The following ADAM12 variants were observed in gnomAD, a reference collection of about 807,000 sequenced individuals.
ADAM12 encodes ADAM metallopeptidase domain 12.
A neutral mutation model predicts 106.4 loss-of-function variants in ADAM12; 70 were observed. That is an observed-to-expected ratio of 0.66 (90% confidence interval 0.54 to 0.80). The LOEUF (loss-of-function observed/expected upper bound fraction) is 0.80. ADAM12 is among the 30% of genes least tolerant of loss of function. The pLI, the probability that ADAM12 is intolerant of heterozygous loss-of-function variation, is 0.00. For missense variants in ADAM12, 1,010 were observed against 1,171.9 expected (o/e 0.86, Z 2.02); for synonymous variants, 420 against 433.5 (o/e 0.97, Z 0.39).
At chr10:126,156,756 C>T (rs962918426) in intron 3 of ADAM12, among the ~76,000 whole-genome samples, 4 of 152,172 alleles carry the variant, frequency 2.6e-5, no homozygotes, top group African/African-American at 7.2e-5. Flanking sequence ...GAGCAGGAGT[C>T]GGCCAGGCCC....
rs1258540526 is a variant in ADAM12 at position 126,053,754 on chromosome 10, C to T, written c.1610-4085G>A. On this transcript the variant is annotated intron_variant, in intron 14 of 22. Coordinates refer to ENST00000448723, the MANE Select transcript of ADAM12 (RefSeq NM_001288973.2). This position sits in a 1 kb window ranked among gnomAD's most constrained non-coding sequence, Gnocchi z 4.6. ...GAGTTTCGCTCTTGTTGCCCAGGCT[C>T]GAGTGCAATGGTGTGATCTCGGCTC... 2.0e-5 allele frequency among the ~76,000 whole-genome samples: 3 copies of T among 152,012 alleles called. No individual in the cohort carries two copies. The highest frequency in any genetic ancestry group is 1.9e-4 in the East Asian group (1 of 5,168).
chr10:126,143,297 C>A (rs564541539), intron 4 of ADAM12, among the ~76,000 whole-genome samples: 1 of 97,490 alleles, frequency 1.0e-5, no homozygotes, highest in East Asian at 3.1e-4. Context: ...TGTGTGTGTG[C>A]ATGTGGGTGT....
chr10:126,208,792 T>G (rs1468318351), intron 3 of ADAM12, among the ~76,000 whole-genome samples: 1 of 151,990 alleles, frequency 6.6e-6, no homozygotes, highest in Non-Finnish European at 1.5e-5. Context: ...TAAGCACACT[T>G]CTTTAAATCA....
intron 4 of ADAM12, among the ~76,000 whole-genome samples, chr10:126,146,114 G>C (rs982666679): frequency 2.6e-5 from 4 of 152,234 alleles, no homozygotes; most frequent in Non-Finnish European, 5.9e-5. Context: ...TTCCAGCTGT[G>C]AGGAAGGGAG....
chr10:126,015,695 A>T lies in ADAM12; in HGVS notation c.*1584T>A, dbSNP rs1194017918. ...AGGCAAACCAAGATTCTTGGTACATATTTTTCTGTTTCAAAGCATAGGAAA... is the reference window on the plus strand; with the variant it reads ...AGGCAAACCAAGATTCTTGGTACATTTTTTTCTGTTTCAAAGCATAGGAAA... On this transcript the variant is annotated 3_prime_UTR_variant, in exon 23 of 23. Transcript: ENST00000448723. 1 of 152,142 alleles carries T rather than the reference A, an allele frequency of 6.6e-6. No homozygotes were observed. Among genetic ancestry groups the T allele is most frequent in the Non-Finnish European group, 1.5e-5 (1 of 68,026 alleles). 9.4% of individuals were successfully genotyped at this position (152,142 alleles called of 1,614,324 possible).
intron 3 of ADAM12, among the ~76,000 whole-genome samples, chr10:126,159,335 G>T (rs1956893764): frequency 8.2e-6 from 1 of 121,604 alleles, no homozygotes; most frequent in African/African-American, 3.0e-5. Context: ...AAAAAAAGGA[G>T]CACACTTGAC....
chr10:126,121,038 CAATAT>C (rs58751200), intron 5 of ADAM12, among the ~76,000 whole-genome samples: 65,964 of 104,330 alleles, frequency 0.63, 21,478 homozygotes, highest in African/African-American at 0.78. Context: ...ATTATATATG[CAATAT>C]AATATATTAT....
rs189891895 is a variant in ADAM12, at chr10:126,036,016, C to T, written c.2529+130G>A. The T allele has an allele frequency of 1.8e-5, 14 of 777,626 alleles. No individual in the cohort carries two copies. The East Asian group carries it at 3.7e-4, about 21-fold the overall frequency. The allele number at this position is 777,626 out of a possible 1,614,324, so 48.2% of individuals were successfully genotyped here. A position where few individuals can be genotyped will look rare whatever the true frequency, so the allele number is the denominator to read the frequency against. Reference sequence around the variant, plus strand: ...TATGTGGATTATCTCATTTAACCATCTGAGTAGCTGAATTATCTCCATTTT... The same window carrying T: ...TATGTGGATTATCTCATTTAACCATTTGAGTAGCTGAATTATCTCCATTTT... On this transcript the variant is annotated intron_variant, in intron 21 of 22. Transcript: ENST00000448723.
At chr10:126,362,691 C>T (rs1237863292) in intron 1 of ADAM12, among the ~76,000 whole-genome samples, 9 of 152,086 alleles carry the variant, frequency 5.9e-5, no homozygotes, top group South Asian at 2.1e-4. Context: ...CAGGCACAGA[C>T]AGACAAATAC....
At chr10:126,229,630 C>A (rs369335733) in intron 3 of ADAM12, among the ~76,000 whole-genome samples, 1 of 129,752 alleles carries the variant, frequency 7.7e-6, no homozygotes, top group Admixed American at 7.8e-5. Flanking sequence ...CCCTCTCCCC[C>A]TCTCTTCCTC....
Position 126,359,697 on chromosome 10 carries a change from T to C in ADAM12, c.88+28361A>G, listed in dbSNP as rs183799796. On this transcript the variant is annotated intron_variant, in intron 1 of 22. Coordinates refer to ENST00000448723, the MANE Select transcript of ADAM12 (RefSeq NM_001288973.2). The stretch of plus-strand genomic sequence containing the variant: ...TCCTGGCTACTTTCACGGGCTGGTG[T>C]TGAGTGTCTGCAGCTTTTTCAGGCA... 1.8e-3 allele frequency among the ~76,000 whole-genome samples: 277 copies of C among 152,278 alleles called. 1 individual carries two copies. The highest frequency in any genetic ancestry group is 3.4e-3 in the Non-Finnish European group (234 of 68,016).
rs760444897 is a variant in ADAM12, at chr10:126,036,359, G to A, written c.2350-34C>T. The A allele has an allele frequency of 3.0e-5, 47 of 1,551,586 alleles. No individual in the cohort carries two copies. The Middle Eastern group carries it at 5.1e-4, about 17-fold the overall frequency. The stretch of plus-strand genomic sequence containing the variant: ...TCAAAGTAAAAAGCCATGCTATAGC[G>A]GGTTTCAAAAATATCAGTAACTCCT... On this transcript the variant is annotated intron_variant, in intron 20 of 22. Coordinates refer to ENST00000448723, the MANE Select transcript of ADAM12 (RefSeq NM_001288973.2).
At chr10:126,029,729 GA>G (rs1457210157) in intron 21 of ADAM12, among the ~76,000 whole-genome samples, 1 of 152,180 alleles carries the variant, frequency 6.6e-6, no homozygotes, top group Non-Finnish European at 1.5e-5. Flanking sequence ...TGGCAAAGAT[GA>G]AAAGGCAGTT....
intron 3 of ADAM12, among the ~76,000 whole-genome samples, chr10:126,208,026 G>T (rs1957829732): frequency 1.3e-5 from 2 of 152,304 alleles, no homozygotes; most frequent in East Asian, 1.9e-4. Flanking sequence ...CACAGAATTA[G>T]ATTTTATGTA....
rs1443400986 is a variant in ADAM12, at chr10:126,064,150, C to T, written c.1609+656G>A. On this transcript the variant is annotated intron_variant, in intron 14 of 22. Transcript: ENST00000448723. This position sits in a 1 kb window ranked among gnomAD's most constrained non-coding sequence, Gnocchi z 4.4. ...AGAAGAGACAAAGTGTGCCAAGTGC[C>T]CAGCCTGAACTGGTGAAATGGTGAA... Among the ~76,000 whole-genome samples the T allele has an allele frequency of 2.6e-5, 4 of 152,146 alleles. No individual in the cohort carries two copies. The South Asian group carries it at 8.3e-4, about 31-fold the overall frequency.
chr10:126,162,353 C>T (rs72826365), intron 3 of ADAM12, among the ~76,000 whole-genome samples: 19,741 of 152,022 alleles, frequency 0.13, 1,699 homozygotes, highest in South Asian at 0.27. Flanking sequence ...TCCTCAAAGG[C>T]ATGGGGGTGC....
intron 3 of ADAM12, among the ~76,000 whole-genome samples, chr10:126,249,590 G>C (rs1565166707): frequency 1.3e-5 from 2 of 152,204 alleles, no homozygotes; most frequent in Non-Finnish European, 2.9e-5. Flanking sequence ...TGTAGTCTCA[G>C]CTACTTGGGA....
chr10:126,189,738 T>G (rs1957463131), intron 3 of ADAM12, among the ~76,000 whole-genome samples: 1 of 152,082 alleles, frequency 6.6e-6, no homozygotes, highest in African/African-American at 2.4e-5. Flanking sequence ...GTGGAGCCCA[T>G]GCTTTAAGCC....
chr10:126,043,248 C>T lies in ADAM12; in HGVS notation c.1996-100G>A, dbSNP rs557722041. 6.4e-5 allele frequency: 70 copies of T among 1,095,682 alleles called. 1 individual carries two copies. In the South Asian group the frequency reaches 9.9e-4, roughly 15 times the overall value. 67.9% of individuals were successfully genotyped at this position (1,095,682 alleles called of 1,614,324 possible). A position where few individuals can be genotyped will look rare whatever the true frequency, so the allele number is the denominator to read the frequency against. On this transcript the variant is annotated intron_variant, in intron 17 of 22. Coordinates refer to ENST00000448723, the MANE Select transcript of ADAM12 (RefSeq NM_001288973.2). This position sits in a 1 kb window ranked among gnomAD's most constrained non-coding sequence, Gnocchi z 4.1. ...CCATGGTCAGAGCCCCCCCCCAACA[C>T]TGACACAGCCAGACTCAGCACACGC... is the stretch of plus-strand genomic sequence containing the variant.
Sources: allele counts gnomAD v4.1 joint callset (sites outside exome capture counted in the v4.1 genomes callset), GRCh38; gene constraint gnomAD v4.1.1; non-coding constraint Gnocchi (gnomAD v3.1); transcripts MANE v1.5; gene names NCBI Gene and HGNC (gene_info 2026-07-23, HGNC 2026-07-21).